Variants in GAB2 observed in about 807,000 individuals in gnomAD.
GAB2 encodes the protein GRB2-associated-binding protein 2.
GAB2 carries 26 observed loss-of-function variants against 65.5 expected under a neutral mutation model. That is an observed-to-expected ratio of 0.40 (90% confidence interval 0.29 to 0.55). GAB2 has a LOEUF of 0.55. Ranked by LOEUF, GAB2 falls within the 20% of genes least tolerant of loss-of-function variation. The probability of loss-of-function intolerance (pLI) is 0.53; values close to 1 mark genes in which losing one functional copy is unlikely to be tolerated. For synonymous variants in GAB2, 321 were observed against 329.6 expected, an observed-to-expected ratio of 0.97 and a Z score of 0.28; for missense variants, 884 against 875.8, an observed-to-expected ratio of 1.01 and a Z score of -0.12.
intron 1 of GAB2, among the ~76,000 whole-genome samples, chr11:78,328,202 T>C (rs1026309663): frequency 6.6e-6 from 1 of 152,144 alleles, no homozygotes; most frequent in Non-Finnish European, 1.5e-5. Context: ...TTTGATAAAA[T>C]AAATCCTGGG....
chr11:78,263,911 T>G (rs994621509), intron 2 of GAB2, among the ~76,000 whole-genome samples: 24 of 152,100 alleles, frequency 1.6e-4, no homozygotes, highest in Non-Finnish European at 2.8e-4. Flanking sequence ...TTTTTTTTTT[T>G]TTTTTAAGTA....
intron 2 of GAB2, among the ~76,000 whole-genome samples, chr11:78,270,894 A>C (rs1367297269): frequency 1.3e-5 from 2 of 152,246 alleles, no homozygotes; most frequent in African/African-American, 2.4e-5. Context: ...TAAAACCTCC[A>C]AGAGGGAAAG....
intron 1 of GAB2, among the ~76,000 whole-genome samples, chr11:78,407,927 AC>A (rs1408523379): frequency 4.6e-5 from 7 of 152,192 alleles, no homozygotes; most frequent in African/African-American, 1.7e-4. Context: ...AGAAGTGTCA[AC>A]TAAATAATTC....
At chr11:78,239,120 G>T (rs1035244199) in intron 3 of GAB2, among the ~76,000 whole-genome samples, 1 of 151,586 alleles carries the variant, frequency 6.6e-6, no homozygotes, top group African/African-American at 2.4e-5. Flanking sequence ...AGGAAGTAAT[G>T]CTAGCAAAAT....
chr11:78,261,504 A>G (rs1865731148), intron 2 of GAB2, among the ~76,000 whole-genome samples: 1 of 152,206 alleles, frequency 6.6e-6, no homozygotes, highest in African/African-American at 2.4e-5. Context: ...TAGCAAGTCT[A>G]TCTTTAGCCA....
chr11:78,242,627 T>A lies in GAB2; in HGVS notation c.620+7530A>T, dbSNP rs574083549. On this transcript the variant is annotated intron_variant, in intron 3 of 9. Transcript: ENST00000361507. ...GTATTAATAGAGAAGTTTATGGCAA[T>A]AAATGCTAATACCAAAAAAGTAGAA... Among the ~76,000 whole-genome samples the A allele has an allele frequency of 2.6e-5, 4 of 151,824 alleles. No homozygotes were observed. In the East Asian group the frequency reaches 7.7e-4, roughly 29 times the overall value.
intron 1 of GAB2, among the ~76,000 whole-genome samples, chr11:78,396,675 G>A (rs1031336305): frequency 4.6e-5 from 7 of 152,072 alleles, no homozygotes; most frequent in Non-Finnish European, 8.8e-5. Flanking sequence ...TCAGGTCACC[G>A]CAACCTCCGC....
At chr11:78,320,967 C>T (rs1305112270) in intron 1 of GAB2, among the ~76,000 whole-genome samples, 2 of 152,046 alleles carry the variant, frequency 1.3e-5, no homozygotes. Context: ...AGATATTTAA[C>T]TGATCAATTT....
At chr11:78,365,695 T>A (rs1017174157) in intron 1 of GAB2, among the ~76,000 whole-genome samples, 1 of 152,222 alleles carries the variant, frequency 6.6e-6, no homozygotes, top group Non-Finnish European at 1.5e-5. Flanking sequence ...AGCAAACTGA[T>A]GACCATTCAT....
chr11:78,252,616 CCT>C (rs957394440), intron 2 of GAB2, among the ~76,000 whole-genome samples: 3 of 152,122 alleles, frequency 2.0e-5, no homozygotes, highest in Non-Finnish European at 4.4e-5. Flanking sequence ...CCTCCTATAG[CCT>C]CTCTCTCCCG....
chr11:78,298,134 G>A (rs1160638539), intron 1 of GAB2, among the ~76,000 whole-genome samples: 1 of 152,162 alleles, frequency 6.6e-6, no homozygotes, highest in Non-Finnish European at 1.5e-5. Context: ...TGAGTAGGAA[G>A]CCCAGATAGA....
chr11:78,283,689 C>G (rs935847538), intron 1 of GAB2, among the ~76,000 whole-genome samples: 2 of 149,506 alleles, frequency 1.3e-5, no homozygotes, highest in Admixed American at 6.6e-5. Context: ...CTTGATCTCT[C>G]TTGATCTCTC....
At chr11:78,267,784 G>T (rs1232307289) in intron 2 of GAB2, among the ~76,000 whole-genome samples, 1 of 149,114 alleles carries the variant, frequency 6.7e-6, no homozygotes, top group Non-Finnish European at 1.5e-5. Flanking sequence ...CATGAACCTG[G>T]GAGGCAGAGT....
intron 1 of GAB2, among the ~76,000 whole-genome samples, chr11:78,300,540 T>TAAAAAAAAAA (rs1866973731): frequency 2.5e-5 from 1 of 40,816 alleles, no homozygotes; most frequent in African/African-American, 8.6e-5. Context: ...AACAAAAAAC[T>TAAAAAAAAAA]ACCACATTGT....
intron 1 of GAB2, among the ~76,000 whole-genome samples, chr11:78,334,037 T>C (rs1393116473): frequency 6.6e-6 from 1 of 152,210 alleles, no homozygotes; most frequent in East Asian, 1.9e-4. Context: ...GATAAGTTCA[T>C]CTCCTTTTGG....
chr11:78,405,497 G>A (rs1004882060), intron 1 of GAB2, among the ~76,000 whole-genome samples: 2 of 151,968 alleles, frequency 1.3e-5, no homozygotes, highest in Non-Finnish European at 2.9e-5. Context: ...TTCTCCTCTG[G>A]TAACATGGGA....
At chr11:78,413,675 G>A (rs922559600) in intron 1 of GAB2, among the ~76,000 whole-genome samples, 1 of 152,094 alleles carries the variant, frequency 6.6e-6, no homozygotes, top group African/African-American at 2.4e-5. Context: ...TTGAAGATGT[G>A]TTACAGGATA....
At chr11:78,276,126 A>AG (rs973232990) in intron 2 of GAB2, among the ~76,000 whole-genome samples, 3 of 151,298 alleles carry the variant, frequency 2.0e-5, no homozygotes, top group African/African-American at 4.8e-5. Flanking sequence ...AAAAAAAAAA[A>AG]AAGAAGAAGA....
rs144855340 is a variant in GAB2 at position 78,406,802 on chromosome 11, A to G, written c.75+10844T>C. On this transcript the variant is annotated intron_variant, in intron 1 of 9. Transcript: ENST00000361507. ...TAGAATTATCTTTCAAAGATTTTAA[A>G]GAGTCATCATAAAAATGCAGGTACA... Among the ~76,000 whole-genome samples, 247 of 152,368 alleles carry G rather than the reference A, an allele frequency of 1.6e-3. 2 individuals are homozygous for G. Among genetic ancestry groups the G allele is most frequent in the African/African-American group, 5.8e-3 (240 of 41,590 alleles).
Sources: gnomAD v4.1 joint callset for allele counts (sites outside exome capture counted in the v4.1 genomes callset) on GRCh38, gnomAD v4.1.1 for gene constraint, MANE v1.5 for transcripts, NCBI Gene and HGNC (gene_info 2026-07-23, HGNC 2026-07-21) for gene names.